The following PKD1L1 variants were observed in gnomAD, a reference collection of about 807,000 sequenced individuals.
PKD1L1 encodes the protein polycystin 1 like 1, transient receptor potential channel interacting.
A neutral mutation model predicts 323.4 loss-of-function variants in PKD1L1; 236 were observed. The ratio of observed to expected loss-of-function variants is 0.73; its 90% CI spans 0.66 to 0.81. The LOEUF is 0.81. Among genes scored for constraint, PKD1L1 ranks in the 40% least tolerant of loss-of-function variants. PKD1L1 has a pLI of 0.00. For missense variants in PKD1L1, 3,320 were observed against 3,508.0 expected, an observed-to-expected ratio of 0.95 and a Z score of 1.35; for synonymous variants, 1,344 against 1,335.0, an observed-to-expected ratio of 1.01 and a Z score of -0.15.
At chr7:47,931,617 C>A (rs566302652) in intron 5 of PKD1L1, among the ~76,000 whole-genome samples, 1 of 152,306 alleles carries the variant, frequency 6.6e-6, no homozygotes, top group African/African-American at 2.4e-5. Context: ...TTCATGTTAC[C>A]CCTTCAGCTA....
chr7:47,835,282 A>C, intron 37 of PKD1L1, 39 bp from the exon 38 acceptor site: 1 of 1,332,842 alleles, frequency 7.5e-7, no homozygotes, highest in Non-Finnish European at 1.0e-6. Flanking sequence ...TCAACTCAAT[A>C]TGAGTCCCGC....
chr7:47,930,301 C>A (rs936788849), intron 6 of PKD1L1, among the ~76,000 whole-genome samples: 1 of 151,470 alleles, frequency 6.6e-6, no homozygotes, highest in African/African-American at 2.4e-5. Flanking sequence ...GTCAGGAGAT[C>A]GAGACCATTC....
intron 13 of PKD1L1, among the ~76,000 whole-genome samples, chr7:47,899,931 A>G (rs1372908138): frequency 1.4e-5 from 2 of 139,752 alleles, no homozygotes; most frequent in Non-Finnish European, 3.0e-5. Context: ...ACTCCCTCCT[A>G]GGCAACAGAG....
chr7:47,892,860 G>T lies in PKD1L1; in HGVS notation c.2453+1018C>A, dbSNP rs367722690. Among the ~76,000 whole-genome samples, 6 of 152,024 alleles carry T rather than the reference G, an allele frequency of 3.9e-5. No individual in the cohort carries two copies. In the South Asian group the frequency reaches 6.3e-4, roughly 16 times the overall value. ...ACAATGTACCGGGGGTAGGGGAGGT[G>T]GTGTGGAACTGATGTTTAAGGGAGG... On this transcript the variant is annotated intron_variant, in intron 15 of 56. Transcript: ENST00000289672.
At chr7:47,868,235 G>A (rs377146977) in intron 24 of PKD1L1, among the ~76,000 whole-genome samples, 25 of 152,106 alleles carry the variant, frequency 1.6e-4, no homozygotes, top group Admixed American at 9.8e-4. Flanking sequence ...TGGGCGTGGC[G>A]GTGTGTGCCT....
At chr7:47,864,580 C>CTTTCTTTCTT (rs1786108639) in intron 26 of PKD1L1, among the ~76,000 whole-genome samples, 6 of 52,954 alleles carry the variant, frequency 1.1e-4, no homozygotes, top group Non-Finnish European at 1.7e-4. Flanking sequence ...TCTTTCTTTT[C>CTTTCTTTCTT]TTTCTTTCTT....
At chr7:47,952,904 C>T (rs764424982), upstream of PKD1L1, among the ~76,000 whole-genome samples, 5 of 152,120 alleles carry the variant, frequency 3.3e-5, no homozygotes, top group African/African-American at 4.8e-5. Context: ...TGTAGTTTTC[C>T]GTGCTTTCCA....
intron 46 of PKD1L1, chr7:47,817,994 G>T: frequency 7.6e-7 from 1 of 1,321,018 alleles, no homozygotes; most frequent in Non-Finnish European, 1.0e-6. Flanking sequence ...ATCTTCATTG[G>T]TTTATACATC....
intron 15 of PKD1L1, among the ~76,000 whole-genome samples, chr7:47,891,367 C>A (rs749460781): frequency 6.6e-6 from 1 of 152,200 alleles, no homozygotes; most frequent in Admixed American, 6.5e-5. Context: ...AGGAAGATGT[C>A]TTCCCCAACC....
At chr7:47,876,340 GGTAA>G (rs776362661) in intron 22 of PKD1L1, 123 bp from the exon 23 acceptor site, 49 of 1,164,132 alleles carry the variant, frequency 4.2e-5, no homozygotes, top group Non-Finnish European at 5.8e-5. Flanking sequence ...CCAGGAAGAG[GGTAA>G]GTGACAGGTA....
upstream of PKD1L1, among the ~76,000 whole-genome samples, chr7:47,953,324 C>T (rs574879646): frequency 1.5e-3 from 235 of 152,314 alleles, no homozygotes; most frequent in African/African-American, 5.2e-3. Flanking sequence ...CCCTCACCTG[C>T]CCACCTTGTT....
Position 47,781,404 on chromosome 7 carries a change from G to T in PKD1L1, c.8527-6238C>A, listed in dbSNP as rs1010415854. On this transcript the variant is annotated intron_variant, in intron 56 of 56. Coordinates refer to ENST00000289672, the MANE Select transcript of PKD1L1 (RefSeq NM_138295.5). ...AACAAAAGGTTTTTTTTTTTGTTTT[G>T]TTTTGTTTTTTTTTTTTTTTTTGAG... Among the ~76,000 whole-genome samples the T allele has an allele frequency of 8.8e-3, 620 of 70,404 alleles. 4 individuals carry two copies. The highest frequency in any genetic ancestry group is 0.035 in the East Asian group (26 of 752). 46.2% of individuals were successfully genotyped at this position (70,404 alleles called of 152,430 possible). A position where few individuals can be genotyped will look rare whatever the true frequency, so the allele number is the denominator to read the frequency against.
intron 24 of PKD1L1, 108 bp from the exon 25 acceptor site, chr7:47,866,722 G>A (rs1305313714): frequency 3.5e-6 from 3 of 857,408 alleles, no homozygotes; most frequent in African/African-American, 3.4e-5. Flanking sequence ...CTCTTGGACA[G>A]GGCAGGGTAG....
intron 7 of PKD1L1, among the ~76,000 whole-genome samples, chr7:47,925,729 A>C (rs1009265247): frequency 3.9e-5 from 6 of 152,152 alleles, no homozygotes; most frequent in Admixed American, 2.0e-4. Context: ...TAGCAATAAG[A>C]TACCAACATG....
chr7:47,929,533 G>A lies in PKD1L1; in HGVS notation c.738-7C>T, dbSNP rs774395838. The A allele has an allele frequency of 1.2e-6, 2 of 1,604,380 alleles. No homozygotes were observed. Among genetic ancestry groups the A allele is most frequent in the Non-Finnish European group, 1.7e-6 (2 of 1,173,934 alleles). On this transcript the variant is annotated splice_region_variant and splice_polypyrimidine_tract_variant and intron_variant, in intron 6 of 56. Coordinates refer to ENST00000289672, the MANE Select transcript of PKD1L1 (RefSeq NM_138295.5). ...AGGCGGAAGGCCGTGGGAGCTGTGG[G>A]AGAGAGGGAGAGGCTTCAGATTTCA...
At chr7:47,785,354 A>G (rs892845294) in intron 56 of PKD1L1, among the ~76,000 whole-genome samples, 2 of 152,314 alleles carry the variant, frequency 1.3e-5, no homozygotes, top group South Asian at 2.1e-4. Flanking sequence ...TTTCAAGTCA[A>G]TGTTGTTCAT....
At chr7:47,826,225 A>G (rs970091548) in intron 45 of PKD1L1, among the ~76,000 whole-genome samples, 3 of 151,802 alleles carry the variant, frequency 2.0e-5, no homozygotes, top group African/African-American at 2.4e-5. Context: ...GGGTGGGTGC[A>G]CTCTCTGGTT....
At chr7:47,950,764 G>A (rs1028046317), upstream of PKD1L1, among the ~76,000 whole-genome samples, 2 of 152,124 alleles carry the variant, frequency 1.3e-5, no homozygotes, top group Admixed American at 6.5e-5. Flanking sequence ...TATTTCAAGG[G>A]CTCAGTAGCC....
At chr7:47,944,706 G>C (rs141662453) in intron 1 of PKD1L1, among the ~76,000 whole-genome samples, 1 of 152,184 alleles carries the variant, frequency 6.6e-6, no homozygotes, top group Non-Finnish European at 1.5e-5. Flanking sequence ...GGACTCCCTA[G>C]GCCTTGACAG....
Sources: allele counts gnomAD v4.1 joint callset (sites outside exome capture counted in the v4.1 genomes callset), GRCh38; gene constraint gnomAD v4.1.1; transcripts MANE v1.5; gene names NCBI Gene and HGNC (gene_info 2026-07-23, HGNC 2026-07-21).